The following DNAJC15 variants were observed in gnomAD, a reference collection of about 807,000 sequenced individuals.
DNAJC15 encodes DnaJ heat shock protein family (Hsp40) member C15.
A neutral mutation model predicts 22.4 loss-of-function variants in DNAJC15; 27 were observed. That is an observed-to-expected ratio of 1.20 (90% CI 0.89 to 1.66). The LOEUF (loss-of-function observed/expected upper bound fraction) is 1.66. Among genes scored for constraint, DNAJC15 ranks in the 40% most tolerant of loss-of-function variants. The pLI is 0.00. For synonymous variants in DNAJC15, 79 were observed against 63.2 expected, an observed-to-expected ratio of 1.25 and a Z score of -1.19; for missense variants, 208 against 187.1, an observed-to-expected ratio of 1.11 and a Z score of -0.65.
chr13:43,065,540 C>CTGCA (rs2040579429), intron 1 of DNAJC15, 146 bp from the exon 2 acceptor site: 1 of 618,054 alleles, frequency 1.6e-6, no homozygotes, highest in South Asian at 2.1e-5. Context: ...CCCATAGACA[C>CTGCA]TGCATATTTT....
intron 1 of DNAJC15, among the ~76,000 whole-genome samples, chr13:43,065,273 G>C (rs17064105): frequency 1.3e-5 from 2 of 152,080 alleles, no homozygotes; most frequent in Non-Finnish European, 2.9e-5. Context: ...TTGATGTAAG[G>C]TTTCATGAAA....
intron 3 of DNAJC15, among the ~76,000 whole-genome samples, chr13:43,076,272 G>T (rs1471886052): frequency 6.6e-6 from 1 of 152,084 alleles, no homozygotes; most frequent in Non-Finnish European, 1.5e-5. Context: ...AAAAGTGCCT[G>T]GTACACAGCA....
chr13:43,094,925 C>A (rs545734626), intron 5 of DNAJC15, among the ~76,000 whole-genome samples: 1 of 152,270 alleles, frequency 6.6e-6, no homozygotes, highest in African/African-American at 2.4e-5. Flanking sequence ...ATTTCCTCCC[C>A]TTCCGGAATC....
In DNAJC15 at chr13:43,093,811, A is replaced by G. The variant is rs567713750; in HGVS notation, c.382+7973A>G. On this transcript the variant is annotated intron_variant, in intron 5 of 5. Transcript: ENST00000379221. ...TAGATAACATAATCTTTATAAAAAT[A>G]TATCTTTTCCACAATAAAATTTTTG... 7.6e-4 allele frequency among the ~76,000 whole-genome samples: 115 copies of G among 152,312 alleles called. 1 individual carries two copies. Among genetic ancestry groups the G allele is most frequent in the African/African-American group, 2.6e-3 (107 of 41,582 alleles).
At chr13:43,050,151 C>T (rs182131912) in intron 1 of DNAJC15, among the ~76,000 whole-genome samples, 19 of 152,192 alleles carry the variant, frequency 1.2e-4, no homozygotes, top group African/African-American at 4.6e-4. Context: ...AATTCCTGAC[C>T]TCAGGTGATC....
Position 43,039,866 on chromosome 13 carries a change from A to G in DNAJC15, c.108+16132A>G, listed in dbSNP as rs1488079325. ...GAACCTCATCTCTACTAAAAATACA[A>G]AAGTTAGCCAGGCGTGGTGGCGTGT... On this transcript the variant is annotated intron_variant, in intron 1 of 5. Coordinates refer to ENST00000379221, the MANE Select transcript of DNAJC15 (RefSeq NM_013238.3). Among the ~76,000 whole-genome samples the G allele has an allele frequency of 2.0e-5, 3 of 152,084 alleles. No homozygotes were observed. The East Asian group carries it at 5.8e-4, about 29-fold the overall frequency.
intron 1 of DNAJC15, among the ~76,000 whole-genome samples, chr13:43,046,935 C>T (rs1808929259): frequency 6.6e-6 from 1 of 152,122 alleles, no homozygotes; most frequent in African/African-American, 2.4e-5. Flanking sequence ...GGCTAAGTGC[C>T]CTAATCGAGC....
At chr13:43,074,991 G>A (rs1296427015) in intron 3 of DNAJC15, among the ~76,000 whole-genome samples, 2 of 152,192 alleles carry the variant, frequency 1.3e-5, no homozygotes, top group Admixed American at 6.5e-5. Flanking sequence ...AGGGCTGACC[G>A]TGGTGCCTGA....
intron 1 of DNAJC15, among the ~76,000 whole-genome samples, chr13:43,026,059 TTGTTTATCAAA>T (rs1460397270): frequency 6.6e-6 from 1 of 152,200 alleles, no homozygotes; most frequent in Non-Finnish European, 1.5e-5. Flanking sequence ...CCAATGCAAA[TTGTTTATCAAA>T]TGTATTATAT....
intron 5 of DNAJC15, among the ~76,000 whole-genome samples, chr13:43,104,991 G>A (rs933990092): frequency 2.6e-5 from 4 of 151,758 alleles, no homozygotes; most frequent in African/African-American, 7.3e-5. Flanking sequence ...GTCCAGCCAA[G>A]AGTATTTTGT....
At chr13:43,027,985 A>C (rs2040388066) in intron 1 of DNAJC15, among the ~76,000 whole-genome samples, 1 of 152,086 alleles carries the variant, frequency 6.6e-6, no homozygotes, top group African/African-American at 2.4e-5. Flanking sequence ...TGTTTTTTAC[A>C]CCATAATGGG....
At chr13:43,071,744 A>G (rs546846311) in intron 3 of DNAJC15, among the ~76,000 whole-genome samples, 1 of 152,176 alleles carries the variant, frequency 6.6e-6, no homozygotes, top group Non-Finnish European at 1.5e-5. Context: ...AAGATTGTCC[A>G]AGGCTCAAGT....
In DNAJC15 at chr13:43,107,261, A is replaced by C. The variant is rs1047762; in HGVS notation, c.*13A>C. On this transcript the variant is annotated 3_prime_UTR_variant, in exon 6 of 6. Coordinates refer to ENST00000379221, the MANE Select transcript of DNAJC15 (RefSeq NM_013238.3). ...CACCAAACATTGATGCTTAAGGACC[A>C]CACTGAAGGAAAAAAAAAGAGGGGA... is the stretch of plus-strand genomic sequence containing the variant. 1.3e-6 allele frequency: 2 copies of C among 1,530,236 alleles called. No homozygotes were observed. Among genetic ancestry groups the C allele is most frequent in the South Asian group, 2.6e-5 (2 of 76,698 alleles). 94.8% of individuals were successfully genotyped at this position (1,530,236 alleles called of 1,614,324 possible). A position where few individuals can be genotyped will look rare whatever the true frequency, so the allele number is the denominator to read the frequency against.
intron 5 of DNAJC15, among the ~76,000 whole-genome samples, chr13:43,096,185 AT>A (rs2040738802): frequency 6.6e-6 from 1 of 152,174 alleles, no homozygotes; most frequent in African/African-American, 2.4e-5. Flanking sequence ...TGGGACAGAG[AT>A]TTGGCAGTGT....
Position 43,039,655 on chromosome 13 carries a change from T to G in DNAJC15, c.108+15921T>G, listed in dbSNP as rs552219626. Among the ~76,000 whole-genome samples, 128 of 152,340 alleles carry G rather than the reference T, an allele frequency of 8.4e-4. 1 individual carries two copies. Among genetic ancestry groups the G allele is most frequent in the African/African-American group, 2.9e-3 (119 of 41,588 alleles). On this transcript the variant is annotated intron_variant, in intron 1 of 5. Transcript: ENST00000379221. Reference sequence around the variant, plus strand: ...ATAATAAAATGATAAAAGCTGTTGGTTGGGTGAAAAAGGCCCTTTCCTTCA... The same window carrying G: ...ATAATAAAATGATAAAAGCTGTTGGGTGGGTGAAAAAGGCCCTTTCCTTCA...
intron 1 of DNAJC15, among the ~76,000 whole-genome samples, chr13:43,062,224 C>G (rs1593318459): frequency 6.6e-6 from 1 of 152,160 alleles, no homozygotes; most frequent in South Asian, 2.1e-4. Flanking sequence ...TGTTCCAGAA[C>G]TCAGTGAGAG....
intron 3 of DNAJC15, 48 bp downstream of exon 3, chr13:43,069,051 CAT>C (rs773667685): frequency 6.1e-5 from 94 of 1,538,006 alleles, no homozygotes; most frequent in Non-Finnish European, 8.2e-5. Flanking sequence ...GATTTTTGTT[CAT>C]ATGACATATT....
intron 1 of DNAJC15, among the ~76,000 whole-genome samples, chr13:43,057,069 A>G (rs1336770340): frequency 6.6e-6 from 1 of 152,220 alleles, no homozygotes; most frequent in Non-Finnish European, 1.5e-5. Context: ...GACTTTAGAT[A>G]ACCTGTGTTT....
At chr13:43,093,185 T>G (rs1385661514) in intron 5 of DNAJC15, among the ~76,000 whole-genome samples, 1 of 152,188 alleles carries the variant, frequency 6.6e-6, no homozygotes, top group African/African-American at 2.4e-5. Context: ...TACGTATCTT[T>G]TCCATCTTCC....
Sources: allele counts gnomAD v4.1 joint callset (sites outside exome capture counted in the v4.1 genomes callset), GRCh38; gene constraint gnomAD v4.1.1; transcripts MANE v1.5; gene names NCBI Gene and HGNC (gene_info 2026-07-23, HGNC 2026-07-21).